SLC26A7: variants seen among roughly 807,000 people sequenced by gnomAD.
SLC26A7 encodes the protein solute carrier family 26 member 7.
Under a neutral mutation model 82.5 loss-of-function variants are expected in SLC26A7, and 59 were observed. The ratio of observed to expected loss-of-function variants is 0.72; its 90% CI spans 0.58 to 0.89. The LOEUF is 0.89. Ranked by LOEUF, SLC26A7 falls within the 40% of genes least tolerant of loss-of-function variation. SLC26A7 has a pLI of 0.00. For synonymous variants in SLC26A7, 271 were observed against 274.3 expected (o/e 0.99, Z 0.12); for missense variants, 820 against 793.0 (o/e 1.03, Z -0.41).
chr8:91,370,667 C>A (rs1188161108), intron 15 of SLC26A7, among the ~76,000 whole-genome samples: 2 of 151,762 alleles, frequency 1.3e-5, no homozygotes, highest in Non-Finnish European at 2.9e-5. Flanking sequence ...ACCGTTGTCT[C>A]AGTATAGAGA....
chr8:91,331,243 A>G (rs1435559691), intron 5 of SLC26A7, among the ~76,000 whole-genome samples: 1 of 152,138 alleles, frequency 6.6e-6, no homozygotes, highest in Non-Finnish European at 1.5e-5. Flanking sequence ...GCCCATAACA[A>G]TGTCAAACCA....
At chr8:91,345,681 A>T (rs1345554807) in intron 9 of SLC26A7, among the ~76,000 whole-genome samples, 2 of 152,308 alleles carry the variant, frequency 1.3e-5, no homozygotes, top group African/African-American at 4.8e-5. Flanking sequence ...GTGCGGCAGG[A>T]TCTTGAGCAA....
intron 2 of SLC26A7, among the ~76,000 whole-genome samples, chr8:91,282,254 A>T (rs961260078): frequency 1.3e-5 from 2 of 152,156 alleles, no homozygotes; most frequent in Non-Finnish European, 2.9e-5. Context: ...GGCAGAGGCC[A>T]GTCAGCTGAG....
Position 91,395,351 on chromosome 8 carries a change from TA to T in SLC26A7, c.*257del. The T allele has an allele frequency of 1.4e-6, 1 of 730,504 alleles. No individual in the cohort carries two copies. Among genetic ancestry groups the T allele is most frequent in the Non-Finnish European group, 1.9e-6 (1 of 533,124 alleles). The allele number at this position is 730,504 out of a possible 1,614,324, so 45.3% of individuals were successfully genotyped here. ...TGTTTAGTTTTAGTGTACTGAAGGGTAAACATGGTTTTATTTTATTTTACCA... is the reference window on the plus strand; with the variant it reads ...TGTTTAGTTTTAGTGTACTGAAGGGTAACATGGTTTTATTTTATTTTACCA... On this transcript the variant is annotated 3_prime_UTR_variant, in exon 19 of 19. Transcript: ENST00000276609.
Position 91,362,431 on chromosome 8 carries a change from A to G in SLC26A7, c.1393A>G (p.Ile465Val), listed in dbSNP as rs200046463. 4.3e-6 allele frequency: 7 copies of G among 1,613,214 alleles called. No homozygotes were observed. In the East Asian group the frequency reaches 1.1e-4, roughly 26 times the overall value. ...VGLLFGVVCTIAIVIGRFPRA... is the reference protein window; with the variant it reads ...VGLLFGVVCTVAIVIGRFPRA... ...ACTGCTGTTTGGTGTTGTTTGTACCATAGCTATAGTGATAGGACGCTTCCC... is the reference window on the plus strand; with the variant it reads ...ACTGCTGTTTGGTGTTGTTTGTACCGTAGCTATAGTGATAGGACGCTTCCC... Residue 465 changes from isoleucine (I) to valine (V), a missense_variant, in exon 12 of 19, where the codon ATA becomes GTA. Ile to Val is a conservative substitution (Grantham distance 29). Coordinates refer to ENST00000276609, the MANE Select transcript of SLC26A7 (RefSeq NM_052832.4).
chr8:91,327,912 A>G (rs1416927494), intron 5 of SLC26A7, among the ~76,000 whole-genome samples: 1 of 152,108 alleles, frequency 6.6e-6, no homozygotes, highest in East Asian at 1.9e-4. Context: ...TCAAAGATGT[A>G]TTCATCATTA....
chr8:91,270,272 C>G (rs1258908942), intron 2 of SLC26A7, among the ~76,000 whole-genome samples: 1 of 152,186 alleles, frequency 6.6e-6, no homozygotes, highest in Non-Finnish European at 1.5e-5. Context: ...TAATCGCAGG[C>G]CTGCTATTCC....
At chr8:91,388,648 C>G (rs992495974) in intron 15 of SLC26A7, among the ~76,000 whole-genome samples, 4 of 152,078 alleles carry the variant, frequency 2.6e-5, no homozygotes, top group Non-Finnish European at 5.9e-5. Context: ...CCAAATGTGG[C>G]CTGTCACTGT....
chr8:91,296,187 C>T (rs930503244), intron 4 of SLC26A7, among the ~76,000 whole-genome samples: 7 of 152,196 alleles, frequency 4.6e-5, no homozygotes, highest in African/African-American at 1.7e-4. Flanking sequence ...GATCTGAGGT[C>T]ACTGGACTCA....
At chr8:91,350,937 T>C (rs1813698369) in intron 9 of SLC26A7, among the ~76,000 whole-genome samples, 2 of 152,142 alleles carry the variant, frequency 1.3e-5, no homozygotes, top group African/African-American at 2.4e-5. Context: ...AGAATTCCAG[T>C]TGTGCTGAGT....
intron 1 of SLC26A7, among the ~76,000 whole-genome samples, chr8:91,211,789 T>G (rs1809930825): frequency 6.6e-6 from 1 of 151,882 alleles, no homozygotes; most frequent in Non-Finnish European, 1.5e-5. Flanking sequence ...CCTGTTGTGC[T>G]TTACACAATG....
intron 4 of SLC26A7, among the ~76,000 whole-genome samples, chr8:91,308,970 C>G (rs1348302367): frequency 6.6e-6 from 1 of 152,022 alleles, no homozygotes; most frequent in Non-Finnish European, 1.5e-5. Flanking sequence ...AGCCATTTCT[C>G]TAAGGATCTC....
chr8:91,345,873 A>G (rs1813548220), intron 9 of SLC26A7, among the ~76,000 whole-genome samples: 1 of 152,200 alleles, frequency 6.6e-6, no homozygotes, highest in African/African-American at 2.4e-5. Context: ...CGAGTGTCTG[A>G]AAGATAATAA....
intron 2 of SLC26A7, among the ~76,000 whole-genome samples, chr8:91,231,688 T>C (rs976041054): frequency 5.3e-5 from 8 of 152,124 alleles, no homozygotes; most frequent in African/African-American, 1.7e-4. Flanking sequence ...ATTCTAAAAC[T>C]GTAAGAAAAA....
chr8:91,378,646 G>A (rs1289777464), intron 15 of SLC26A7, among the ~76,000 whole-genome samples: 1 of 151,710 alleles, frequency 6.6e-6, no homozygotes, highest in Non-Finnish European at 1.5e-5. Context: ...GGGCTGTTGT[G>A]TTCTCTCTCA....
intron 15 of SLC26A7, among the ~76,000 whole-genome samples, chr8:91,375,837 GCTTA>G (rs1219491594): frequency 6.6e-6 from 1 of 151,770 alleles, no homozygotes; most frequent in Non-Finnish European, 1.5e-5. Context: ...TTTTCAAATT[GCTTA>G]CTTTTTCTTC....
intron 5 of SLC26A7, among the ~76,000 whole-genome samples, chr8:91,320,832 A>G (rs1812771255): frequency 6.6e-6 from 1 of 152,214 alleles, no homozygotes; most frequent in Admixed American, 6.5e-5. Flanking sequence ...CAATTGTTAT[A>G]TCCTTTCAGA....
At chr8:91,386,292 T>C (rs1814797415) in intron 15 of SLC26A7, among the ~76,000 whole-genome samples, 2 of 152,166 alleles carry the variant, frequency 1.3e-5, no homozygotes, top group Non-Finnish European at 2.9e-5. Flanking sequence ...TGGTAGTAAA[T>C]AAATAATAAG....
At chr8:91,373,615 A>G (rs991277832) in intron 15 of SLC26A7, among the ~76,000 whole-genome samples, 1 of 152,022 alleles carries the variant, frequency 6.6e-6, no homozygotes, top group Non-Finnish European at 1.5e-5. Flanking sequence ...GTGCTGCTGC[A>G]TTCACTTTGC....
Sources: gnomAD v4.1 joint callset for allele counts (sites outside exome capture counted in the v4.1 genomes callset) on GRCh38, gnomAD v4.1.1 for gene constraint, MANE v1.5 for transcripts, NCBI Gene and HGNC (gene_info 2026-07-23, HGNC 2026-07-21) for gene names.